RAB38: variants seen among roughly 807,000 people sequenced by gnomAD.
RAB38 encodes ras-related protein Rab-38.
Under a neutral mutation model 18.4 loss-of-function variants are expected in RAB38, and 15 were observed. The ratio of observed to expected loss-of-function variants is 0.82; its 90% CI spans 0.55 to 1.26. The LOEUF (loss-of-function observed/expected upper bound fraction) is 1.26, where lower values mean the gene tolerates loss of function less well. RAB38 is among the 50% of genes most tolerant of loss of function. The pLI is 0.00. For missense variants in RAB38, 294 were observed against 267.4 expected, an observed-to-expected ratio of 1.10 and a Z score of -0.69; for synonymous variants, 101 against 104.4, an observed-to-expected ratio of 0.97 and a Z score of 0.20.
At chr11:88,034,612 A>G in the RAB38 span, among the ~76,000 whole-genome samples, 1 of 152,208 alleles carries the variant, frequency 6.6e-6, no homozygotes, top group East Asian at 1.9e-4. Flanking sequence ...TGTTGAACAT[A>G]TTATCATGTG....
chr11:87,960,154 A>G, the RAB38 span, among the ~76,000 whole-genome samples: 1 of 152,152 alleles, frequency 6.6e-6, no homozygotes, highest in Non-Finnish European at 1.5e-5. Flanking sequence ...TAATTGACTT[A>G]GAAAAGTGCT....
the RAB38 span, among the ~76,000 whole-genome samples, chr11:87,883,080 G>A: frequency 1.3e-5 from 2 of 151,888 alleles, no homozygotes; most frequent in Admixed American, 1.3e-4. Context: ...CCTAGCTAAA[G>A]TATAGAAATA....
chr11:88,173,847 G>T, intron 1 of RAB38: 25 of 985,358 alleles, frequency 2.5e-5, no homozygotes, highest in Non-Finnish European at 3.0e-5. Flanking sequence ...CATGCTAAAA[G>T]AAAAAGGCCT....
chr11:87,952,114 C>G, the RAB38 span, among the ~76,000 whole-genome samples: 1 of 152,086 alleles, frequency 6.6e-6, no homozygotes, highest in East Asian at 1.9e-4. Context: ...GCTGCATCCC[C>G]AAGCAGGTCA....
At chr11:87,902,063 T>C in the RAB38 span, among the ~76,000 whole-genome samples, 3 of 151,504 alleles carry the variant, frequency 2.0e-5, no homozygotes, top group Non-Finnish European at 4.4e-5. Flanking sequence ...TCCTGTTTGA[T>C]ATTGTCTTAC....
chr11:87,914,319 T>C, the RAB38 span, among the ~76,000 whole-genome samples: 1 of 152,168 alleles, frequency 6.6e-6, no homozygotes, highest in Non-Finnish European at 1.5e-5. Context: ...ATTTGAAAAC[T>C]GAAGCAAAGG....
the RAB38 span, among the ~76,000 whole-genome samples, chr11:87,946,436 A>T: frequency 6.6e-6 from 1 of 152,130 alleles, no homozygotes; most frequent in African/African-American, 2.4e-5. Flanking sequence ...CATGTGCACA[A>T]CGTGCAGGTT....
chr11:87,898,870 G>T, the RAB38 span, among the ~76,000 whole-genome samples: 1 of 151,540 alleles, frequency 6.6e-6, no homozygotes, highest in South Asian at 2.1e-4. Flanking sequence ...GACAAACTAG[G>T]ATTCCCCCAT....
At chr11:88,089,833 T>G in the RAB38 span, among the ~76,000 whole-genome samples, 900 of 152,044 alleles carry the variant, frequency 5.9e-3, 9 homozygotes, top group African/African-American at 0.021. Context: ...CAGATTTGAT[T>G]TTAAGGGTTG....
the RAB38 span, among the ~76,000 whole-genome samples, chr11:87,805,335 C>T: frequency 6.6e-6 from 1 of 151,990 alleles, no homozygotes; most frequent in South Asian, 2.1e-4. Flanking sequence ...TTCACAGGTA[C>T]ACACACACAT....
the RAB38 span, among the ~76,000 whole-genome samples, chr11:88,046,414 G>A: frequency 2.6e-5 from 4 of 151,996 alleles, no homozygotes; most frequent in African/African-American, 9.7e-5. Flanking sequence ...TCCACAACCC[G>A]TTATTCTGTT....
At chr11:88,104,414 G>T in the RAB38 span, among the ~76,000 whole-genome samples, 1 of 152,170 alleles carries the variant, frequency 6.6e-6, no homozygotes, top group Non-Finnish European at 1.5e-5. Flanking sequence ...TGAAAATATG[G>T]TCAGATAGAG....
the RAB38 span, among the ~76,000 whole-genome samples, chr11:87,906,337 AC>A: frequency 3.3e-5 from 5 of 151,922 alleles, no homozygotes; most frequent in Non-Finnish European, 2.9e-5. Flanking sequence ...GATTAGTGAA[AC>A]TTTTGGATGG....
chr11:88,023,945 T>G, the RAB38 span, among the ~76,000 whole-genome samples: 1 of 152,096 alleles, frequency 6.6e-6, no homozygotes, highest in East Asian at 1.9e-4. Flanking sequence ...GAAACTTCTG[T>G]GAGAAAACAT....
chr11:87,969,944 G>A, the RAB38 span, among the ~76,000 whole-genome samples: 41 of 152,082 alleles, frequency 2.7e-4, no homozygotes, highest in Middle Eastern at 3.2e-3. Context: ...TAAGCAGGTA[G>A]CCAAGCCATA....
the RAB38 span, among the ~76,000 whole-genome samples, chr11:87,912,762 C>CTTTTTTTT: frequency 4.4e-4 from 38 of 86,492 alleles, no homozygotes; most frequent in Non-Finnish European, 7.0e-4. Flanking sequence ...AATTTTCTTT[C>CTTTTTTTT]TTTCTTTTTT....
At chr11:87,850,636 C>T in the RAB38 span, among the ~76,000 whole-genome samples, 206 of 151,570 alleles carry the variant, frequency 1.4e-3, 2 homozygotes, top group Admixed American at 2.5e-3. Flanking sequence ...ATACCTTCTT[C>T]GTCTTTTCTT....
chr11:88,128,313 G>A (rs1013584306), intron 2 of RAB38, among the ~76,000 whole-genome samples: 10 of 152,236 alleles, frequency 6.6e-5, no homozygotes, highest in African/African-American at 9.6e-5. Flanking sequence ...CTTGTCTAAT[G>A]TAGTTAAACT....
the RAB38 span, among the ~76,000 whole-genome samples, chr11:87,909,802 C>G: frequency 4.9e-3 from 748 of 152,148 alleles, 6 homozygotes; most frequent in African/African-American, 0.016. Context: ...TTGGCTTATT[C>G]ATTACACTGT....
Sources: allele counts gnomAD v4.1 joint callset (sites outside exome capture counted in the v4.1 genomes callset), GRCh38; gene constraint gnomAD v4.1.1; transcripts MANE v1.5; gene names NCBI Gene and HGNC (gene_info 2026-07-23, HGNC 2026-07-21).